Variants in WDR64 observed in about 807,000 individuals in gnomAD.
WDR64 encodes WD repeat domain 64, also known as WD repeat-containing protein 64.
Under a neutral mutation model 139.3 loss-of-function variants are expected in WDR64, and 112 were observed. The ratio of observed to expected loss-of-function variants is 0.80; its 90% CI spans 0.69 to 0.94. The LOEUF (loss-of-function observed/expected upper bound fraction) is 0.94. WDR64 is among the 40% of genes least tolerant of loss of function. The pLI is 0.00. For synonymous variants in WDR64, 444 were observed against 437.7 expected (o/e 1.01, Z -0.18); for missense variants, 1,206 against 1,293.1 (o/e 0.93, Z 1.03).
intron 14 of WDR64, among the ~76,000 whole-genome samples, chr1:241,755,030 T>C (rs1454203613): frequency 2.0e-5 from 3 of 152,236 alleles, no homozygotes; most frequent in Non-Finnish European, 2.9e-5. Flanking sequence ...GCAATAAAGA[T>C]AGGTGTGCAT....
At chr1:241,731,430 G>A (rs992659365) in intron 10 of WDR64, among the ~76,000 whole-genome samples, 4 of 152,062 alleles carry the variant, frequency 2.6e-5, no homozygotes, top group East Asian at 1.9e-4. Context: ...CTCATTTAAC[G>A]TTCATAACGA....
At chr1:241,771,937 CATACATACATATATATATAT>C (rs1185107537) in intron 19 of WDR64, among the ~76,000 whole-genome samples, 2,517 of 56,504 alleles carry the variant, frequency 0.045, 134 homozygotes, top group African/African-American at 0.14. Flanking sequence ...CATATACATA[CATACATACATATATATATAT>C]ATATATATAT....
Position 241,772,787 on chromosome 1 carries a change from A to C in WDR64, c.2291-5A>C. 1.3e-6 allele frequency: 2 copies of C among 1,551,740 alleles called. No individual in the cohort carries two copies. Among genetic ancestry groups the C allele is most frequent in the Non-Finnish European group, 1.7e-6 (2 of 1,146,960 alleles). On this transcript the variant is annotated splice_region_variant and splice_polypyrimidine_tract_variant and intron_variant, in intron 19 of 27. Coordinates refer to ENST00000437684, the MANE Select transcript of WDR64 (RefSeq NM_001367482.1). ...CTCATGATAGTTCATTAATTTCTCG[A>C]ATAGGTGAACAAACAGATGTAATGG...
intron 14 of WDR64, among the ~76,000 whole-genome samples, chr1:241,754,320 C>CTTTTTTTTTTTTTTTT (rs71174845): frequency 7.9e-4 from 65 of 81,840 alleles, no homozygotes; most frequent in Non-Finnish European, 1.1e-3. Flanking sequence ...TTTTCTTTTT[C>CTTTTTTTTTTTTTTTT]TTTTTTTTTT....
At chr1:241,696,229 CT>C (rs1338053790) in intron 8 of WDR64, among the ~76,000 whole-genome samples, 1 of 147,564 alleles carries the variant, frequency 6.8e-6, no homozygotes, top group Non-Finnish European at 1.5e-5. Context: ...GAGAAAGTTC[CT>C]TTCTCTGACC....
chr1:241,766,133 T>C, intron 15 of WDR64, 85 bp from the exon 16 acceptor site: 1 of 1,312,196 alleles, frequency 7.6e-7, no homozygotes, highest in Non-Finnish European at 1.0e-6. Flanking sequence ...TTTAAGTTGA[T>C]GACAATTACA....
chr1:241,753,250 T>C (rs1476252840), intron 14 of WDR64, among the ~76,000 whole-genome samples: 1 of 152,218 alleles, frequency 6.6e-6, no homozygotes, highest in Admixed American at 6.5e-5. Flanking sequence ...TCTTCACTCC[T>C]AGACCAATAT....
chr1:241,660,054 G>A (rs1044566996), intron 1 of WDR64, among the ~76,000 whole-genome samples: 2 of 152,162 alleles, frequency 1.3e-5, no homozygotes, highest in African/African-American at 2.4e-5. Flanking sequence ...TTACATTTAA[G>A]TCTTTAATCC....
intron 8 of WDR64, among the ~76,000 whole-genome samples, chr1:241,691,400 A>C (rs1667275801): frequency 6.6e-6 from 1 of 152,126 alleles, no homozygotes; most frequent in Non-Finnish European, 1.5e-5. Flanking sequence ...ACAAGACCTA[A>C]CTCTATGTTG....
At position 241,656,268 on chromosome 1, in the gene WDR64, C is replaced by T. The variant is rs1174017541; in HGVS notation, c.145+3639C>T. On this transcript the variant is annotated intron_variant, in intron 1 of 27. Coordinates refer to ENST00000437684, the MANE Select transcript of WDR64 (RefSeq NM_001367482.1). This position sits in a 1 kb window ranked among gnomAD's most constrained non-coding sequence, Gnocchi z 4.3. ...AAATAAGGTCTCCCTCTCACTATTA[C>T]AGGCAAGGAACTAAGAACTAGAGAG... Among the ~76,000 whole-genome samples, 1 of 152,164 alleles carries T rather than the reference C, an allele frequency of 6.6e-6. No individual in the cohort carries two copies. The highest frequency in any genetic ancestry group is 1.5e-5 in the Non-Finnish European group (1 of 68,030).
chr1:241,720,603 T>A (rs925879277), intron 9 of WDR64, among the ~76,000 whole-genome samples: 12 of 152,196 alleles, frequency 7.9e-5, no homozygotes, highest in South Asian at 6.2e-4. Flanking sequence ...AATGTCTTCT[T>A]TTCAGGAGTA....
intron 6 of WDR64, among the ~76,000 whole-genome samples, chr1:241,682,029 G>A (rs1666818833): frequency 6.6e-6 from 1 of 152,064 alleles, no homozygotes; most frequent in South Asian, 2.1e-4. Flanking sequence ...CTGGATATTA[G>A]TCCTTTGTCA....
chr1:241,674,795 C>A (rs1300702081), intron 4 of WDR64, 48 bp downstream of exon 4: 2 of 1,206,286 alleles, frequency 1.7e-6, no homozygotes, highest in Non-Finnish European at 2.4e-6. Context: ...TTACAATAAC[C>A]AGGTAATTTA....
In WDR64 at chr1:241,656,958, C is replaced by T. The variant is rs1665628645; in HGVS notation, c.146-3572C>T. Among the ~76,000 whole-genome samples, 1 of 150,296 alleles carries T rather than the reference C, an allele frequency of 6.7e-6. No individual in the cohort carries two copies. The highest frequency in any genetic ancestry group is 2.1e-4 in the South Asian group (1 of 4,778). On this transcript the variant is annotated intron_variant, in intron 1 of 27. Coordinates refer to ENST00000437684, the MANE Select transcript of WDR64 (RefSeq NM_001367482.1). The surrounding 1 kb of genome is among the most constrained non-coding windows in gnomAD (Gnocchi z 4.3). ...GTGCAAAATCTCCCCTGCATAAGAA[C>T]CACTGCTCTAGATTCCTGCCTTTCC...
At chr1:241,653,710 A>G (rs1665461000) in intron 1 of WDR64, among the ~76,000 whole-genome samples, 1 of 151,698 alleles carries the variant, frequency 6.6e-6, no homozygotes, top group East Asian at 1.9e-4. Flanking sequence ...CACCCGGCTA[A>G]TTTTTTGTAT....
chr1:241,652,607 A>G lies in WDR64; in HGVS notation c.123A>G (p.Ala41=), dbSNP rs772563092. Residue 41 remains alanine (A), a synonymous_variant, in exon 1 of 28, where the codon GCA becomes GCG. Transcript: ENST00000437684. ...QTAAQKRDER[A]GLFIHKEDAI... is the part of the protein sequence containing the mutation. Reference sequence around the variant, plus strand: ...CAGCCCAGAAAAGAGATGAAAGAGCAGGCTTATTTATCCATAAAGAAGGTA... The same window carrying G: ...CAGCCCAGAAAAGAGATGAAAGAGCGGGCTTATTTATCCATAAAGAAGGTA... 1.0e-4 allele frequency: 156 copies of G among 1,551,680 alleles called. 1 individual carries two copies. Among genetic ancestry groups the G allele is most frequent in the Admixed American group, 1.4e-4 (7 of 50,978 alleles).
At chr1:241,761,642 G>A (rs910700491) in intron 15 of WDR64, among the ~76,000 whole-genome samples, 2 of 151,924 alleles carry the variant, frequency 1.3e-5, no homozygotes, top group African/African-American at 4.8e-5. Flanking sequence ...GGTAGCATGT[G>A]ATGCTGATAG....
intron 13 of WDR64, among the ~76,000 whole-genome samples, chr1:241,748,848 G>A (rs1669865859): frequency 6.6e-6 from 1 of 151,768 alleles, no homozygotes; most frequent in South Asian, 2.1e-4. Flanking sequence ...GCTGAGGCAG[G>A]AGAATGGTGT....
chr1:241,732,631 C>T (rs1669127721), intron 10 of WDR64, among the ~76,000 whole-genome samples: 1 of 152,072 alleles, frequency 6.6e-6, no homozygotes, highest in African/African-American at 2.4e-5. Context: ...ACCAGCCTGG[C>T]CAACATGGTG....
Sources: allele counts gnomAD v4.1 joint callset (sites outside exome capture counted in the v4.1 genomes callset), GRCh38; gene constraint gnomAD v4.1.1; non-coding constraint Gnocchi (gnomAD v3.1); transcripts MANE v1.5; gene names NCBI Gene and HGNC (gene_info 2026-07-23, HGNC 2026-07-21).